Variants in PTPRT observed in about 807,000 individuals in gnomAD.
The protein encoded by PTPRT is protein tyrosine phosphatase receptor type T, also known as receptor-type tyrosine-protein phosphatase T.
A neutral mutation model predicts 176.8 loss-of-function variants in PTPRT; 56 were observed. The ratio of observed to expected loss-of-function variants is 0.32; its 90% CI spans 0.26 to 0.40. The LOEUF (loss-of-function observed/expected upper bound fraction) is 0.40. Ranked by LOEUF, PTPRT falls within the 10% of genes least tolerant of loss-of-function variation. The pLI is 1.00. For missense variants in PTPRT, 1,540 were observed against 1,908.2 expected (o/e 0.81, Z 3.60); for synonymous variants, 783 against 739.0 (o/e 1.06, Z -0.96).
intron 6 of PTPRT, among the ~76,000 whole-genome samples, chr20:42,708,914 A>G (rs1243616029): frequency 6.6e-6 from 1 of 152,196 alleles, no homozygotes; most frequent in East Asian, 1.9e-4. Context: ...TTACACTGTT[A>G]AAGGTCAAGC....
chr20:42,383,358 T>C (rs568290053), intron 9 of PTPRT, among the ~76,000 whole-genome samples: 1 of 151,840 alleles, frequency 6.6e-6, no homozygotes, highest in East Asian at 1.9e-4. Context: ...GTGAGTACCA[T>C]GGGCTCATGG....
chr20:42,168,028 C>T (rs1408045767), intron 16 of PTPRT, among the ~76,000 whole-genome samples: 1 of 152,126 alleles, frequency 6.6e-6, no homozygotes, highest in African/African-American at 2.4e-5. Context: ...TGTATTCCTA[C>T]AGTAAAGTAA....
chr20:42,697,472 G>T (rs1348450298), intron 6 of PTPRT, among the ~76,000 whole-genome samples: 1 of 152,140 alleles, frequency 6.6e-6, no homozygotes, highest in South Asian at 2.1e-4. Flanking sequence ...CAAATTACTC[G>T]AAAGGAAGAT....
At chr20:42,895,687 T>C (rs2079283437) in intron 1 of PTPRT, among the ~76,000 whole-genome samples, 1 of 152,234 alleles carries the variant, frequency 6.6e-6, no homozygotes, top group African/African-American at 2.4e-5. Flanking sequence ...TAAGACTTTA[T>C]TTATTAGCAC....
intron 7 of PTPRT, among the ~76,000 whole-genome samples, chr20:42,505,973 A>G (rs2071836761): frequency 4.6e-5 from 7 of 152,142 alleles, no homozygotes; most frequent in Admixed American, 4.6e-4. Flanking sequence ...AAGATTTTCT[A>G]TGCCCCTTTC....
intron 2 of PTPRT, among the ~76,000 whole-genome samples, chr20:42,848,762 T>A (rs781085907): frequency 1.1e-4 from 17 of 152,206 alleles, no homozygotes; most frequent in Non-Finnish European, 2.4e-4. Flanking sequence ...TTTTGTGGAC[T>A]GTCTGTTTAT....
At chr20:42,621,600 G>T (rs1392759710) in intron 7 of PTPRT, among the ~76,000 whole-genome samples, 1 of 152,176 alleles carries the variant, frequency 6.6e-6, no homozygotes, top group Admixed American at 6.5e-5. Flanking sequence ...TGGCTTCTGA[G>T]TGATCCTATA....
chr20:43,050,873 A>G (rs1384857311), intron 1 of PTPRT, among the ~76,000 whole-genome samples: 1 of 152,216 alleles, frequency 6.6e-6, no homozygotes, highest in Admixed American at 6.5e-5. Flanking sequence ...CAATCAAAGC[A>G]TATCCCATCT....
intron 5 of PTPRT, among the ~76,000 whole-genome samples, chr20:42,757,143 T>A (rs1362695804): frequency 6.6e-6 from 1 of 151,630 alleles, no homozygotes; most frequent in Non-Finnish European, 1.5e-5. Context: ...GCTAGTGAGC[T>A]GATTTGAGGA....
intron 6 of PTPRT, among the ~76,000 whole-genome samples, chr20:42,746,871 C>G (rs1255258546): frequency 1.3e-5 from 2 of 152,042 alleles, no homozygotes; most frequent in East Asian, 3.9e-4. Context: ...CATATATGAT[C>G]CATATGCAGG....
intron 1 of PTPRT, among the ~76,000 whole-genome samples, chr20:43,146,429 G>T (rs1280271313): frequency 6.6e-6 from 1 of 152,164 alleles, no homozygotes; most frequent in African/African-American, 2.4e-5. Context: ...GAATGCATAA[G>T]ATGATTCTGT....
chr20:42,364,292 T>G (rs2058484638), intron 9 of PTPRT, among the ~76,000 whole-genome samples: 1 of 152,172 alleles, frequency 6.6e-6, no homozygotes, highest in Non-Finnish European at 1.5e-5. Context: ...GCACTTTTCT[T>G]TCATTCAGCA....
intron 1 of PTPRT, among the ~76,000 whole-genome samples, chr20:42,950,110 G>C (rs1204115331): frequency 6.6e-6 from 1 of 152,200 alleles, no homozygotes; most frequent in Non-Finnish European, 1.5e-5. Flanking sequence ...TCCAAGCCTA[G>C]TAATCATTAA....
chr20:42,117,644 C>T (rs1049909175), intron 21 of PTPRT, among the ~76,000 whole-genome samples: 10 of 151,876 alleles, frequency 6.6e-5, no homozygotes, highest in African/African-American at 1.5e-4. Flanking sequence ...CTGGATTTGT[C>T]GACATGAAGG....
downstream of PTPRT, among the ~76,000 whole-genome samples, chr20:42,069,692 C>T (rs1982239318): frequency 6.6e-6 from 1 of 152,126 alleles, no homozygotes; most frequent in African/African-American, 2.4e-5. Context: ...GTTTTTCATA[C>T]ATTTATATAT....
intron 9 of PTPRT, among the ~76,000 whole-genome samples, chr20:42,411,210 C>T (rs149573991): frequency 5.3e-5 from 8 of 151,944 alleles, no homozygotes; most frequent in East Asian, 1.9e-4. Flanking sequence ...TTTGGGAGGC[C>T]GAGGCGGGCA....
chr20:42,376,108 C>A (rs535801254), intron 9 of PTPRT, among the ~76,000 whole-genome samples: 21 of 152,270 alleles, frequency 1.4e-4, no homozygotes, highest in Non-Finnish European at 2.6e-4. Context: ...AAAATTGCAT[C>A]CCCAATTACG....
chr20:42,832,882 T>C (rs1022682515), intron 2 of PTPRT, among the ~76,000 whole-genome samples: 10 of 149,052 alleles, frequency 6.7e-5, no homozygotes, highest in Admixed American at 1.3e-4. Flanking sequence ...GGTGGGAGGA[T>C]TGTTTGAGCC....
At chr20:42,703,219 C>CAGAG (rs145647107) in intron 6 of PTPRT, among the ~76,000 whole-genome samples, 11 of 150,170 alleles carry the variant, frequency 7.3e-5, no homozygotes, top group East Asian at 1.9e-4. Flanking sequence ...AAGAGAGACA[C>CAGAG]AGAGAGAGAG....
Sources: gnomAD v4.1 joint callset for allele counts (sites outside exome capture counted in the v4.1 genomes callset) on GRCh38, gnomAD v4.1.1 for gene constraint, MANE v1.5 for transcripts, NCBI Gene and HGNC (gene_info 2026-07-23, HGNC 2026-07-21) for gene names.